The following MROH9 variants were observed in gnomAD, a reference collection of about 807,000 sequenced individuals.
MROH9 encodes the protein maestro heat like repeat family member 9, also known as maestro heat-like repeat-containing protein family member 9.
MROH9 carries 92 observed loss-of-function variants against 98.2 expected under a neutral mutation model. That is an observed-to-expected ratio of 0.94 (90% CI 0.79 to 1.11). MROH9 has a LOEUF of 1.11. Among genes scored for constraint, MROH9 ranks in the 50% most tolerant of loss-of-function variants. The pLI is 0.00. For missense variants in MROH9, 1,057 were observed against 1,014.8 expected (o/e 1.04, Z -0.57); for synonymous variants, 397 against 368.9 (o/e 1.08, Z -0.87).
intron 16 of MROH9, chr1:171,015,013 G>A (rs1005334862): frequency 2.1e-6 from 1 of 471,810 alleles, no homozygotes; most frequent in Non-Finnish European, 4.4e-6. Context: ...CTTCCAGGTC[G>A]ACTGAATTTA....
At chr1:171,019,623 T>G (rs1342887444) in intron 17 of MROH9, among the ~76,000 whole-genome samples, 1 of 150,888 alleles carries the variant, frequency 6.6e-6, no homozygotes, top group Admixed American at 6.6e-5. Flanking sequence ...TGCACTCCAG[T>G]CTGGGCGACA....
intron 3 of MROH9, among the ~76,000 whole-genome samples, chr1:170,953,872 AGAGAG>A (rs1557871560): frequency 3.9e-4 from 45 of 113,982 alleles, no homozygotes; most frequent in African/African-American, 9.2e-4. Flanking sequence ...AGAGAGAGAG[AGAGAG>A]AGAAAGAAAG....
At chr1:170,987,316 A>G (rs563652354) in intron 10 of MROH9, among the ~76,000 whole-genome samples, 2 of 152,354 alleles carry the variant, frequency 1.3e-5, no homozygotes, top group East Asian at 3.9e-4. Context: ...TATAGCTGTA[A>G]TTGAAATCCC....
At chr1:170,962,207 C>T (rs2101893530) in intron 6 of MROH9, among the ~76,000 whole-genome samples, 1 of 152,120 alleles carries the variant, frequency 6.6e-6, no homozygotes, top group South Asian at 2.1e-4. Context: ...CTTGAGAAAC[C>T]AGGTCTCATG....
chr1:170,969,143 C>T (rs977297649), intron 7 of MROH9, among the ~76,000 whole-genome samples: 16 of 152,140 alleles, frequency 1.1e-4, no homozygotes, highest in African/African-American at 3.9e-4. Context: ...GTGTTCATTG[C>T]AGCAAAATTC....
Position 171,062,206 on chromosome 1 carries a change from G to C in MROH9, c.2344+12G>C. ...AGTCATGCTTGATGGTGAGTATTGAGGTTATAACAAAATCTTTATGCATAA... is the reference window on the plus strand; with the variant it reads ...AGTCATGCTTGATGGTGAGTATTGACGTTATAACAAAATCTTTATGCATAA... On this transcript the variant is annotated intron_variant, in intron 21 of 21. Coordinates refer to ENST00000367759, the MANE Select transcript of MROH9 (RefSeq NM_001163629.2). 1 of 1,528,008 alleles carries C rather than the reference G, an allele frequency of 6.5e-7. No individual in the cohort carries two copies. The highest frequency in any genetic ancestry group is 8.9e-7 in the Non-Finnish European group (1 of 1,128,284). 94.7% of individuals were successfully genotyped at this position (1,528,008 alleles called of 1,614,324 possible). A position where few individuals can be genotyped will look rare whatever the true frequency, so the allele number is the denominator to read the frequency against.
chr1:171,019,648 C>CAA (rs79714149), intron 17 of MROH9, among the ~76,000 whole-genome samples: 71 of 139,184 alleles, frequency 5.1e-4, no homozygotes, highest in African/African-American at 1.8e-3. Context: ...GAGACTCCAT[C>CAA]AAAAAAAAAA....
chr1:170,945,360 A>G (rs1246596799), intron 1 of MROH9, among the ~76,000 whole-genome samples, 160 bp from the exon 2 acceptor site: 1 of 152,098 alleles, frequency 6.6e-6, no homozygotes, highest in East Asian at 1.9e-4. Context: ...AAATAACAAC[A>G]TATTTTTAAG....
intron 20 of MROH9, among the ~76,000 whole-genome samples, chr1:171,043,335 T>C (rs908881128): frequency 2.0e-5 from 3 of 152,148 alleles, no homozygotes; most frequent in African/African-American, 7.2e-5. Flanking sequence ...CATTGGTCTG[T>C]GTGTCTGTTT....
intron 20 of MROH9, among the ~76,000 whole-genome samples, chr1:171,047,976 T>C (rs1028106918): frequency 6.6e-6 from 1 of 152,196 alleles, no homozygotes; most frequent in Non-Finnish European, 1.5e-5. Context: ...GGGACTCTTG[T>C]TTCTTCCCTT....
At position 171,014,265 on chromosome 1, in the gene MROH9, G is replaced by A; in HGVS notation, c.1734+11G>A. The A allele has an allele frequency of 6.5e-7, 1 of 1,543,662 alleles. No individual in the cohort carries two copies. Among genetic ancestry groups the A allele is most frequent in the South Asian group, 1.2e-5 (1 of 83,184 alleles). On this transcript the variant is annotated intron_variant, in intron 16 of 21. Transcript: ENST00000367759. Reference sequence around the variant, plus strand: ...CCAATTATCAATAAGGTATGTGTATGTGATTTGTGTCTGCAAGCATCATCT... The same window carrying A: ...CCAATTATCAATAAGGTATGTGTATATGATTTGTGTCTGCAAGCATCATCT...
intron 17 of MROH9, among the ~76,000 whole-genome samples, chr1:171,020,840 A>G (rs1231433988): frequency 6.6e-6 from 1 of 152,086 alleles, no homozygotes; most frequent in Non-Finnish European, 1.5e-5. Flanking sequence ...GTTTGTGGAC[A>G]TGATTCTATA....
At chr1:171,002,045 T>C (rs1351967122) in intron 15 of MROH9, among the ~76,000 whole-genome samples, 2 of 152,230 alleles carry the variant, frequency 1.3e-5, no homozygotes, top group African/African-American at 2.4e-5. Flanking sequence ...TTTTGTCTGA[T>C]ATAAGAATAG....
At chr1:170,943,544 A>T (rs1649203116) in intron 1 of MROH9, among the ~76,000 whole-genome samples, 1 of 152,038 alleles carries the variant, frequency 6.6e-6, no homozygotes, top group South Asian at 2.1e-4. Context: ...AAATTAAGTC[A>T]ATCAATGATG....
At chr1:170,959,697 C>T in intron 5 of MROH9, 100 bp downstream of exon 5, 1 of 1,083,460 alleles carries the variant, frequency 9.2e-7, no homozygotes. Context: ...GGGTCCTCCT[C>T]TTCACTCTTT....
intron 7 of MROH9, among the ~76,000 whole-genome samples, chr1:170,965,835 G>C (rs948792546): frequency 6.6e-6 from 1 of 151,924 alleles, no homozygotes; most frequent in Non-Finnish European, 1.5e-5. Context: ...CTTTACTAAA[G>C]TTATATTCAC....
intron 9 of MROH9, among the ~76,000 whole-genome samples, chr1:170,984,685 T>C (rs187598308): frequency 1.4e-4 from 21 of 152,278 alleles, no homozygotes; most frequent in African/African-American, 4.8e-4. Context: ...TCCTTGCTTA[T>C]CTGAGTTTAA....
chr1:171,036,021 T>C (rs1166550828), intron 20 of MROH9, among the ~76,000 whole-genome samples: 2 of 152,106 alleles, frequency 1.3e-5, no homozygotes, highest in African/African-American at 2.4e-5. Context: ...ATGAATATAT[T>C]GATGTAGATT....
At chr1:171,020,024 G>T (rs889491715) in intron 17 of MROH9, among the ~76,000 whole-genome samples, 5 of 152,030 alleles carry the variant, frequency 3.3e-5, no homozygotes, top group Admixed American at 6.6e-5. Context: ...AGAAGAAATG[G>T]GTAAATTCCT....
Sources: allele counts gnomAD v4.1 joint callset (sites outside exome capture counted in the v4.1 genomes callset), GRCh38; gene constraint gnomAD v4.1.1; transcripts MANE v1.5; gene names NCBI Gene and HGNC (gene_info 2026-07-23, HGNC 2026-07-21).